The following MYO18B variants were observed in gnomAD, a reference collection of about 807,000 sequenced individuals.
MYO18B encodes unconventional myosin-XVIIIb.
A neutral mutation model predicts 273.0 loss-of-function variants in MYO18B; 204 were observed. The ratio of observed to expected loss-of-function variants is 0.75; its 90% CI spans 0.67 to 0.84. The LOEUF (loss-of-function observed/expected upper bound fraction) is 0.84, where lower values mean the gene tolerates loss of function less well. Among genes scored for constraint, MYO18B ranks in the 40% least tolerant of loss-of-function variants. The pLI is 0.00. For synonymous variants in MYO18B, 1,330 were observed against 1,305.7 expected (o/e 1.02, Z -0.40); for missense variants, 3,212 against 3,287.6 (o/e 0.98, Z 0.56).
intron 21 of MYO18B, among the ~76,000 whole-genome samples, chr22:25,866,759 C>G (rs1213986265): frequency 1.5e-5 from 2 of 130,598 alleles, no homozygotes; most frequent in Admixed American, 9.6e-5. Context: ...GAATCCCAGC[C>G]TGGTGACAGA....
chr22:25,761,926 A>C (rs886249741), intron 2 of MYO18B, among the ~76,000 whole-genome samples: 1 of 152,168 alleles, frequency 6.6e-6, no homozygotes, highest in Non-Finnish European at 1.5e-5. Context: ...GTTCGAGACC[A>C]GTCTGGCCAA....
chr22:25,982,300 C>T (rs2093157039), intron 39 of MYO18B, among the ~76,000 whole-genome samples: 1 of 152,142 alleles, frequency 6.6e-6, no homozygotes, highest in Non-Finnish European at 1.5e-5. Context: ...GAAGTGAGGC[C>T]TCCAGCCAGT....
chr22:25,867,498 A>T (rs949209369), intron 21 of MYO18B, among the ~76,000 whole-genome samples: 1 of 152,326 alleles, frequency 6.6e-6, no homozygotes. Flanking sequence ...CATTGTATGG[A>T]TAGACCACAT....
At position 25,769,043 on chromosome 22, in the gene MYO18B, G is replaced by T. The variant is rs1186330000; in HGVS notation, c.1127G>T (p.Gly376Val). The T allele has an allele frequency of 6.2e-7, 1 of 1,611,922 alleles. No homozygotes were observed. Among genetic ancestry groups the T allele is most frequent in the African/African-American group, 1.3e-5 (1 of 74,914 alleles). The change falls in exon 4 of 44, where the codon GGT (glycine) becomes GTT (valine). Residue 376 changes from glycine to valine, a missense_variant. Transcript: ENST00000335473. ...GDDLRMGEKAGELRSTTGKAG... is the reference protein window; with the variant it reads ...GDDLRMGEKAVELRSTTGKAG... Reference sequence around the variant, plus strand: ...GATCTGAGAATGGGGGAGAAAGCAGGTGAGCTTCGGAGCACGACTGGGAAG... The same window carrying T: ...GATCTGAGAATGGGGGAGAAAGCAGTTGAGCTTCGGAGCACGACTGGGAAG...
Position 25,797,985 on chromosome 22 carries a change from T to C in MYO18B, c.2409T>C (p.Phe803=), listed in dbSNP as rs765142770. ...ATAAACAGAAGGCGGCAGCTGCCTT[T>C]GCCCAGCTCCAGGGTGCCATGGAGA... ...PEDKQKAAAA[F]AQLQGAMEML... The change falls in exon 12 of 44, where the codon TTT becomes TTC. Residue 803 remains phenylalanine, a synonymous_variant. Coordinates refer to ENST00000335473, the MANE Select transcript of MYO18B (RefSeq NM_032608.7). 14 of 1,613,984 alleles carry C rather than the reference T, an allele frequency of 8.7e-6. 1 individual carries two copies. The highest frequency in any genetic ancestry group is 1.2e-5 in the Non-Finnish European group (14 of 1,179,864).
chr22:25,750,711 G>A (rs112102324), intron 1 of MYO18B, among the ~76,000 whole-genome samples: 124 of 152,312 alleles, frequency 8.1e-4, no homozygotes, highest in African/African-American at 2.8e-3. Context: ...TAAGCCTTGT[G>A]GCCAGTGGAG....
At chr22:25,845,586 A>C (rs147456323) in intron 18 of MYO18B, among the ~76,000 whole-genome samples, 27 of 152,356 alleles carry the variant, frequency 1.8e-4, no homozygotes, top group African/African-American at 6.5e-4. Flanking sequence ...GAATCTGTCC[A>C]TGACAGGGAT....
chr22:25,952,305 G>T lies in MYO18B; in HGVS notation c.5852G>T (p.Arg1951Leu), dbSNP rs779943442. The part of the protein sequence containing the change: ...LQEQLQVAQM[R>L]IEYLEQSTVD... ...TTACAGCTGCAGGTGGCTCAGATGCGCATCGAGTACCTGGAACAGTCCACC... is the reference window on the plus strand; with the variant it reads ...TTACAGCTGCAGGTGGCTCAGATGCTCATCGAGTACCTGGAACAGTCCACC... Residue 1951 changes from arginine (R) to leucine (L), a missense_variant, in exon 38 of 44, where the codon CGC becomes CTC. Arg to Leu is a moderately radical substitution (Grantham distance 102). Coordinates refer to ENST00000335473, the MANE Select transcript of MYO18B (RefSeq NM_032608.7). 1.9e-6 allele frequency: 3 copies of T among 1,610,180 alleles called. No individual in the cohort carries two copies. Among genetic ancestry groups the T allele is most frequent in the Non-Finnish European group, 1.7e-6 (2 of 1,178,438 alleles).
intron 10 of MYO18B, among the ~76,000 whole-genome samples, chr22:25,784,998 G>C (rs1474179069): frequency 6.6e-6 from 1 of 152,192 alleles, no homozygotes; most frequent in Non-Finnish European, 1.5e-5. Flanking sequence ...CACTCTCAGT[G>C]CCTCTGTTTT....
At chr22:25,905,958 A>G (rs1196539570) in intron 31 of MYO18B, among the ~76,000 whole-genome samples, 1 of 152,224 alleles carries the variant, frequency 6.6e-6, no homozygotes, top group Non-Finnish European at 1.5e-5. Flanking sequence ...GCCCTCTTGA[A>G]AACTGTGTTA....
In MYO18B at chr22:25,756,970, A is replaced by T. The variant is rs548882886; in HGVS notation, c.-109-4014A>T. 1.0e-3 allele frequency among the ~76,000 whole-genome samples: 156 copies of T among 152,314 alleles called. 1 individual carries two copies. Among genetic ancestry groups the T allele is most frequent in the Admixed American group, 2.8e-3 (43 of 15,304 alleles). On this transcript the variant is annotated intron_variant, in intron 1 of 43. Coordinates refer to ENST00000335473, the MANE Select transcript of MYO18B (RefSeq NM_032608.7). ...CAGCTACTCAGGAGGCTGAGACAGG[A>T]GAATCACTTGAACCCAGGAGATGGA...
intron 17 of MYO18B, among the ~76,000 whole-genome samples, chr22:25,839,135 T>C (rs2090003885): frequency 6.6e-6 from 1 of 150,788 alleles, no homozygotes; most frequent in Non-Finnish European, 1.5e-5. Flanking sequence ...TGTTTGTGTA[T>C]ATGTGTATGA....
intron 33 of MYO18B, among the ~76,000 whole-genome samples, chr22:25,919,908 A>C (rs1425618385): frequency 1.3e-5 from 2 of 152,220 alleles, no homozygotes; most frequent in Admixed American, 1.3e-4. Flanking sequence ...CAGCTTACAA[A>C]GTGCTTTGGA....
At chr22:25,829,318 G>T (rs562564326) in intron 15 of MYO18B, among the ~76,000 whole-genome samples, 2 of 152,296 alleles carry the variant, frequency 1.3e-5, no homozygotes, top group Admixed American at 1.3e-4. Flanking sequence ...CTGCCCAGGG[G>T]GGGAATGCCC....
At chr22:26,012,521 A>T (rs1250542734) in intron 42 of MYO18B, among the ~76,000 whole-genome samples, 1 of 152,226 alleles carries the variant, frequency 6.6e-6, no homozygotes, top group Non-Finnish European at 1.5e-5. Flanking sequence ...ATGCACAGAA[A>T]TATTAAATGC....
chr22:25,879,700 C>G (rs952987649), intron 25 of MYO18B, among the ~76,000 whole-genome samples: 5 of 152,190 alleles, frequency 3.3e-5, no homozygotes, highest in Non-Finnish European at 5.9e-5. Flanking sequence ...TCCATTCTTG[C>G]ACTGCTCTAA....
In MYO18B at chr22:25,769,028, T is replaced by C; in HGVS notation, c.1112T>C (p.Met371Thr). ...GGCGAGTTGGGGGACGATCTGAGAA[T>C]GGGGGAGAAAGCAGGTGAGCTTCGG... ...VQGELGDDLR[M>T]GEKAGELRST... The change falls in exon 4 of 44, where the codon ATG (methionine) becomes ACG (threonine). Residue 371 changes from methionine (M) to threonine (T), a missense_variant. Met to Thr is a moderately conservative substitution (Grantham distance 81). Transcript: ENST00000335473. 6.2e-7 allele frequency: 1 copy of C among 1,611,294 alleles called. No homozygotes were observed. Among genetic ancestry groups the C allele is most frequent in the African/African-American group, 1.3e-5 (1 of 74,872 alleles).
At chr22:25,884,005 T>C (rs1363017874) in intron 25 of MYO18B, among the ~76,000 whole-genome samples, 4 of 152,094 alleles carry the variant, frequency 2.6e-5, no homozygotes, top group Non-Finnish European at 5.9e-5. Context: ...TAAAATGAGG[T>C]GGGGTGTTTT....
downstream of MYO18B, among the ~76,000 whole-genome samples, chr22:26,032,631 C>T (rs1936693478): frequency 6.7e-6 from 1 of 149,732 alleles, no homozygotes; most frequent in African/African-American, 2.5e-5. Context: ...AAGCAATTCT[C>T]TTGCCTCAGC....
Sources: gnomAD v4.1 joint callset for allele counts (sites outside exome capture counted in the v4.1 genomes callset) on GRCh38, gnomAD v4.1.1 for gene constraint, MANE v1.5 for transcripts, NCBI Gene and HGNC (gene_info 2026-07-23, HGNC 2026-07-21) for gene names.